Variants in ONECUT1 observed in about 807,000 individuals in gnomAD.
ONECUT1 encodes the protein one cut homeobox 1.
Under a neutral mutation model 25.6 loss-of-function variants are expected in ONECUT1, and 12 were observed. The ratio of observed to expected loss-of-function variants is 0.47; its 90% confidence interval spans 0.30 to 0.76. The LOEUF is 0.76. Among genes scored for constraint, ONECUT1 ranks in the 30% least tolerant of loss-of-function variants. ONECUT1 has a pLI of 0.07. For synonymous variants in ONECUT1, 285 were observed against 270.2 expected (o/e 1.05, Z -0.54); for missense variants, 620 against 651.2 (o/e 0.95, Z 0.52).
intron 1 of ONECUT1, among the ~76,000 whole-genome samples, chr15:52,768,366 C>G (rs2083747438): frequency 1.3e-5 from 2 of 152,146 alleles, no homozygotes; most frequent in South Asian, 2.1e-4. Flanking sequence ...AAGGATTTTT[C>G]TAAATTCTTT....
At position 52,789,689 on chromosome 15, in the gene ONECUT1, C is replaced by T. The variant is rs899220996; in HGVS notation, c.196G>A (p.Gly66Arg). 6.7e-7 allele frequency: 1 copy of T among 1,494,846 alleles called. No individual in the cohort carries two copies. Among genetic ancestry groups the T allele is most frequent in the Non-Finnish European group, 8.9e-7 (1 of 1,128,614 alleles). 92.6% of individuals were successfully genotyped at this position (1,494,846 alleles called of 1,614,324 possible). ...GCCCGGTGGTGGTGGTGGTAATCTC[C>T]GCCGCCGCTGCCGCCGTCCAGCAGG... The part of the protein sequence containing the change: ...ASLLDGGSGG[G>R]DYHHHHRAPE... Residue 66 changes from glycine (G) to arginine (R), a missense_variant, in exon 1 of 2, where the codon GGA (glycine) becomes AGA (arginine). By Grantham distance (125) the Gly-to-Arg change is moderately radical (BLOSUM62 -2). This residue lies in a region of ONECUT1 where 440 missense variants were observed against 404.9 expected (regional missense o/e 1.09). Transcript: ENST00000305901. The surrounding 1 kb of genome is among the most constrained non-coding windows in gnomAD (Gnocchi z 4.1).
chr15:52,790,052 CGTGTGTGCGTGTGCGT>C lies in ONECUT1; in HGVS notation c.-184_-169del. On this transcript the variant is annotated 5_prime_UTR_variant, in exon 1 of 2. Coordinates refer to ENST00000305901, the MANE Select transcript of ONECUT1 (RefSeq NM_004498.4). ...CTCTCTCTCTCCGTGTGTGTGTGTC[CGTGTGTGCGTGTGCGT>C]GTGTGTGTGTGTGTGTGTCTCGCCT... is the stretch of plus-strand genomic sequence containing the variant. The C allele has an allele frequency of 9.7e-7, 1 of 1,031,574 alleles. No homozygotes were observed. Among genetic ancestry groups the C allele is most frequent in the African/African-American group, 2.1e-5 (1 of 48,172 alleles). The allele number at this position is 1,031,574 out of a possible 1,614,324, so 63.9% of individuals were successfully genotyped here. A position where few individuals can be genotyped will look rare whatever the true frequency, so the allele number is the denominator to read the frequency against.
chr15:52,763,403 G>A (rs1027800096), intron 1 of ONECUT1, among the ~76,000 whole-genome samples: 1 of 152,148 alleles, frequency 6.6e-6, no homozygotes, highest in Non-Finnish European at 1.5e-5. Flanking sequence ...CAGAGCATGA[G>A]GGTGTGGGCA....
intron 1 of ONECUT1, among the ~76,000 whole-genome samples, chr15:52,787,516 A>G (rs112780919): frequency 2.6e-5 from 4 of 151,950 alleles, no homozygotes; most frequent in Non-Finnish European, 5.9e-5. Context: ...CTCGTTCTCC[A>G]GGGACGAATT....
chr15:52,778,162 A>C (rs2083816450), intron 1 of ONECUT1, among the ~76,000 whole-genome samples: 1 of 152,220 alleles, frequency 6.6e-6, no homozygotes, highest in Admixed American at 6.5e-5. Context: ...CAAAATGAAC[A>C]TCTATGAGTC....
At chr15:52,760,045 A>C (rs2141445217) in intron 1 of ONECUT1, among the ~76,000 whole-genome samples, 1 of 152,310 alleles carries the variant, frequency 6.6e-6, no homozygotes, top group East Asian at 1.9e-4. Flanking sequence ...TAAGAGTGAT[A>C]ATTTCAGAAT....
rs746910544 is a variant in ONECUT1, at chr15:52,757,760, C to T, written c.1193G>A (p.Arg398Gln). ...PRLVFTDVQR[R>Q]TLHAIFKENK... ...TTCCTTGAATATTGCATGTAGAGTT[C>T]GACGCTGGACATCTGTGAAGACCAA... The change falls in exon 2 of 2, where the codon CGA (arginine) becomes CAA (glutamine). Residue 398 changes from arginine to glutamine, a missense_variant. By Grantham distance (43) the Arg-to-Gln change is conservative (BLOSUM62 1). Around this residue, in one of 4 missense-constraint regions of ONECUT1, gnomAD observed 146 missense variants for 201.8 expected, o/e 0.72. Coordinates refer to ENST00000305901, the MANE Select transcript of ONECUT1 (RefSeq NM_004498.4). 49 of 1,613,996 alleles carry T rather than the reference C, an allele frequency of 3.0e-5. No individual in the cohort carries two copies. The highest frequency in any genetic ancestry group is 2.0e-4 in the South Asian group (18 of 91,078).
rs1259000697 is a variant in ONECUT1, at chr15:52,789,785, C to T, written c.100G>A (p.Ala34Thr). ...PADLLGGSPH[A>T]RSSVAHRGSH... ...CCGCGGTGCGCCACGGAGCTGCGCGCGTGGGGGCTGCCGCCCAGCAGGTCG... is the reference window on the plus strand; with the variant it reads ...CCGCGGTGCGCCACGGAGCTGCGCGTGTGGGGGCTGCCGCCCAGCAGGTCG... Residue 34 changes from alanine to threonine, a missense_variant, in exon 1 of 2, where the codon GCG (alanine) becomes ACG (threonine). Transcript: ENST00000305901. The surrounding 1 kb of genome is among the most constrained non-coding windows in gnomAD (Gnocchi z 4.1). 3 of 1,446,300 alleles carry T rather than the reference C, an allele frequency of 2.1e-6. No homozygotes were observed. The Admixed American group carries it at 8.5e-5, about 41-fold the overall frequency. The allele number at this position is 1,446,300 out of a possible 1,614,324, so 89.6% of individuals were successfully genotyped here.
intron 1 of ONECUT1, among the ~76,000 whole-genome samples, chr15:52,779,772 C>T (rs961905224): frequency 1.3e-5 from 2 of 152,178 alleles, no homozygotes; most frequent in Non-Finnish European, 2.9e-5. Context: ...AACTAGCCTC[C>T]GTGACTTGAC....
intron 1 of ONECUT1, among the ~76,000 whole-genome samples, chr15:52,759,017 C>A (rs1566988113): frequency 6.6e-6 from 1 of 152,216 alleles, no homozygotes. Flanking sequence ...GCCCTCACTG[C>A]AATCAGATTG....
chr15:52,782,877 A>C (rs2083850330), intron 1 of ONECUT1, among the ~76,000 whole-genome samples: 1 of 152,242 alleles, frequency 6.6e-6, no homozygotes, highest in African/African-American at 2.4e-5. Flanking sequence ...ATGTCACTTG[A>C]GGAACAAGGC....
In ONECUT1 at chr15:52,783,055, T is replaced by C. The variant is rs8039779; in HGVS notation, c.1105+5725A>G. 2.3e-3 allele frequency among the ~76,000 whole-genome samples: 346 copies of C among 152,358 alleles called. 3 individuals are homozygous for C. The highest frequency in any genetic ancestry group is 8.0e-3 in the African/African-American group (332 of 41,588). ...GGGTAGCAGCATTTGTTTGATTAGC[T>C]GAATTTGCCATGAATGTGGAAATAA... is the stretch of plus-strand genomic sequence containing the variant. On this transcript the variant is annotated intron_variant, in intron 1 of 1. Coordinates refer to ENST00000305901, the MANE Select transcript of ONECUT1 (RefSeq NM_004498.4).
chr15:52,757,388 G>T lies in ONECUT1; in HGVS notation c.*167C>A. ...GCTGAAGTGTGTGTCTCCAAACAAA[G>T]TCAGAATGCAGGTGAGCTAAGTCTT... is the stretch of plus-strand genomic sequence containing the variant. On this transcript the variant is annotated 3_prime_UTR_variant, in exon 2 of 2. Transcript: ENST00000305901. 1 of 742,762 alleles carries T rather than the reference G, an allele frequency of 1.3e-6. No individual in the cohort carries two copies. The highest frequency in any genetic ancestry group is 2.1e-6 in the Non-Finnish European group (1 of 477,098). The allele number at this position is 742,762 out of a possible 1,614,324, so 46.0% of individuals were successfully genotyped here. A position where few individuals can be genotyped will look rare whatever the true frequency, so the allele number is the denominator to read the frequency against.
chr15:52,780,178 C>A (rs1006893740), intron 1 of ONECUT1, among the ~76,000 whole-genome samples: 1 of 152,088 alleles, frequency 6.6e-6, no homozygotes, highest in African/African-American at 2.4e-5. Flanking sequence ...GTGAGGCAGC[C>A]CTTTTTTAAT....
At position 52,755,725 on chromosome 15, in the gene ONECUT1, C is replaced by A. The variant is rs753082114; in HGVS notation, c.*1830G>T. Among the ~76,000 whole-genome samples, 1 of 152,184 alleles carries A rather than the reference C, an allele frequency of 6.6e-6. No homozygotes were observed. Among genetic ancestry groups the A allele is most frequent in the Non-Finnish European group, 1.5e-5 (1 of 68,024 alleles). ...TTATCATTAGGATAACATTTAATTT[C>A]ATAGTTCTAAGTAGGGGTGGTAATT... On this transcript the variant is annotated 3_prime_UTR_variant, in exon 2 of 2. Coordinates refer to ENST00000305901, the MANE Select transcript of ONECUT1 (RefSeq NM_004498.4).
At chr15:52,762,605 C>G (rs186658823) in intron 1 of ONECUT1, among the ~76,000 whole-genome samples, 2 of 152,254 alleles carry the variant, frequency 1.3e-5, no homozygotes, top group East Asian at 3.9e-4. Context: ...ATCTCCAGGA[C>G]GCCCTGGCCT....
At position 52,784,890 on chromosome 15, in the gene ONECUT1, C is replaced by T. The variant is rs2083863993; in HGVS notation, c.1105+3890G>A. Among the ~76,000 whole-genome samples, 1 of 152,242 alleles carries T rather than the reference C, an allele frequency of 6.6e-6. No individual in the cohort carries two copies. Among genetic ancestry groups the T allele is most frequent in the Admixed American group, 6.5e-5 (1 of 15,292 alleles). ...GAGGCGCTCCCAGCTGGCGGCGCCCCTCGCCCCGGGCTCAGAGGCGGACAC... is the reference window on the plus strand; with the variant it reads ...GAGGCGCTCCCAGCTGGCGGCGCCCTTCGCCCCGGGCTCAGAGGCGGACAC... On this transcript the variant is annotated intron_variant, in intron 1 of 1. Coordinates refer to ENST00000305901, the MANE Select transcript of ONECUT1 (RefSeq NM_004498.4). This position sits in a 1 kb window ranked among gnomAD's most constrained non-coding sequence, Gnocchi z 5.0.
rs1022142441 is a variant in ONECUT1 at position 52,755,766 on chromosome 15, A to G, written c.*1789T>C. 2.6e-5 allele frequency among the ~76,000 whole-genome samples: 4 copies of G among 152,200 alleles called. No individual in the cohort carries two copies. The highest frequency in any genetic ancestry group is 2.6e-4 in the Admixed American group (4 of 15,278). ...GGTGGTAATTAACTTACAGTATCCA[A>G]TTCTTTACCTAATGGCATAAGGGGC... On this transcript the variant is annotated 3_prime_UTR_variant, in exon 2 of 2. Coordinates refer to ENST00000305901, the MANE Select transcript of ONECUT1 (RefSeq NM_004498.4).
intron 1 of ONECUT1, among the ~76,000 whole-genome samples, chr15:52,761,497 C>T (rs150835033): frequency 6.6e-6 from 1 of 152,208 alleles, no homozygotes; most frequent in Non-Finnish European, 1.5e-5. Flanking sequence ...ATGGTGAAAC[C>T]CTGTCTCTAC....
Sources: allele counts gnomAD v4.1 joint callset (sites outside exome capture counted in the v4.1 genomes callset), GRCh38; gene constraint gnomAD v4.1.1; regional missense constraint gnomAD v4.1.1; non-coding constraint Gnocchi (gnomAD v3.1); transcripts MANE v1.5; gene names NCBI Gene and HGNC (gene_info 2026-07-23, HGNC 2026-07-21).